Variants in ERC1 observed in about 807,000 individuals in gnomAD.
ERC1 encodes ELKS/RAB6-interacting/CAST family member 1, also known as RAB6 interacting protein 2.
A neutral mutation model predicts 132.0 loss-of-function variants in ERC1; 56 were observed. The observed-to-expected ratio is 0.42, with a 90% CI of 0.34 to 0.53. The LOEUF is 0.53. Among genes scored for constraint, ERC1 ranks in the 20% least tolerant of loss-of-function variants. ERC1 has a pLI of 0.03. For synonymous variants in ERC1, 478 were observed against 476.1 expected (o/e 1.00, Z -0.05); for missense variants, 1,202 against 1,349.9 (o/e 0.89, Z 1.72).
chr12:1,432,024 A>G (rs1274638731), intron 17 of ERC1, among the ~76,000 whole-genome samples: 1 of 152,202 alleles, frequency 6.6e-6, no homozygotes, highest in African/African-American at 2.4e-5. Flanking sequence ...GACTATTGGC[A>G]TGCACCACCT....
At chr12:1,139,652 G>A (rs796191319) in intron 7 of ERC1, among the ~76,000 whole-genome samples, 24 of 152,000 alleles carry the variant, frequency 1.6e-4, no homozygotes, top group African/African-American at 5.3e-4. Context: ...CATGCAGGAA[G>A]GCCCAGAAAA....
chr12:1,447,712 C>G (rs187813357), intron 18 of ERC1, among the ~76,000 whole-genome samples: 1 of 151,892 alleles, frequency 6.6e-6, no homozygotes, highest in Admixed American at 6.6e-5. Flanking sequence ...TGCAGTGGCA[C>G]GATCTCAGCT....
rs1163109396 is a variant in ERC1, at chr12:1,418,567, TTC to T, written c.3024+10322_3024+10323del. 7.3e-5 allele frequency among the ~76,000 whole-genome samples: 9 copies of T among 123,224 alleles called. No homozygotes were observed. In the East Asian group the frequency reaches 1.9e-3, roughly 26 times the overall value. The allele number at this position is 123,224 out of a possible 152,430, so 80.8% of individuals were successfully genotyped here. On this transcript the variant is annotated intron_variant, in intron 17 of 18. Coordinates refer to ENST00000360905, the MANE Select transcript of ERC1 (RefSeq NM_178040.4). ...TTCCTTCTTTTCTGAAGTCTTCATT[TTC>T]TTTCTTTCTTTCTTTCTTTCTCTTT...
At chr12:1,481,198 G>A (rs956876098) in intron 18 of ERC1, among the ~76,000 whole-genome samples, 4 of 152,210 alleles carry the variant, frequency 2.6e-5, no homozygotes, top group South Asian at 2.1e-4. Flanking sequence ...AATTGAAACC[G>A]TGGAAAGGGA....
intron 18 of ERC1, among the ~76,000 whole-genome samples, chr12:1,454,750 T>G (rs1331787925): frequency 6.6e-6 from 1 of 152,222 alleles, no homozygotes; most frequent in Non-Finnish European, 1.5e-5. Context: ...ATTTTTACAG[T>G]CCATATTTTT....
intron 1 of ERC1, chr12:1,020,875 A>G (rs1348681081): frequency 6.6e-6 from 1 of 152,222 alleles, no homozygotes; most frequent in East Asian, 1.9e-4. Flanking sequence ...GGAGCATTAA[A>G]TAATTTATGA....
intron 18 of ERC1, chr12:1,445,009 G>T: frequency 5.6e-6 from 2 of 358,088 alleles, no homozygotes; most frequent in Non-Finnish European, 1.0e-5. Flanking sequence ...ATTTTTTACT[G>T]TTTTATTTTT....
At chr12:1,122,525 C>A (rs373809344) in intron 7 of ERC1, among the ~76,000 whole-genome samples, 1 of 89,014 alleles carries the variant, frequency 1.1e-5, no homozygotes, top group South Asian at 3.1e-4. Context: ...GTGTCTCTAT[C>A]TCTATCTCTA....
At position 1,141,695 on chromosome 12, in the gene ERC1, G is replaced by A; in HGVS notation, c.1645G>A (p.Ala549Thr). The A allele has an allele frequency of 6.2e-7, 1 of 1,613,516 alleles. No individual in the cohort carries two copies. Among genetic ancestry groups the A allele is most frequent in the Non-Finnish European group, 8.5e-7 (1 of 1,179,608 alleles). The change falls in exon 8 of 19, where the codon GCT (alanine) becomes ACT (threonine). Residue 549 changes from alanine (A) to threonine (T), a missense_variant. Coordinates refer to ENST00000360905, the MANE Select transcript of ERC1 (RefSeq NM_178040.4). ...AAAGACAAAACAAATTCAGGATATG[G>A]CTGAAGAGAAGGGGACACAAGCTGG... ...NKKTKQIQDM[A>T]EEKGTQAGEI...
Position 1,191,851 on chromosome 12 carries a change from GA to G in ERC1, c.2351+1813del, listed in dbSNP as rs748858506. ...ATTCAGCACAGTTTCTTGGCTACTG[GA>G]AAAAAAAAAAAAAGGAACAGCTTTC... On this transcript the variant is annotated intron_variant, in intron 12 of 18. Coordinates refer to ENST00000360905, the MANE Select transcript of ERC1 (RefSeq NM_178040.4). 6.0e-3 allele frequency among the ~76,000 whole-genome samples: 815 copies of G among 136,584 alleles called. 1 individual carries two copies. The highest frequency in any genetic ancestry group is 8.5e-3 in the Admixed American group (116 of 13,594). 89.6% of individuals were successfully genotyped at this position (136,584 alleles called of 152,430 possible).
intron 15 of ERC1, among the ~76,000 whole-genome samples, chr12:1,304,320 TC>T (rs1310563164): frequency 6.6e-6 from 1 of 152,204 alleles, no homozygotes; most frequent in African/African-American, 2.4e-5. Context: ...CTAGGTCTCT[TC>T]CTTAGATATA....
At chr12:1,341,750 T>C (rs1317168608) in intron 15 of ERC1, among the ~76,000 whole-genome samples, 1 of 152,120 alleles carries the variant, frequency 6.6e-6, no homozygotes, top group Non-Finnish European at 1.5e-5. Flanking sequence ...ACATGGCACA[T>C]GTATACCTGT....
At chr12:1,481,966 T>C (rs544138497) in intron 18 of ERC1, among the ~76,000 whole-genome samples, 1 of 152,326 alleles carries the variant, frequency 6.6e-6, no homozygotes, top group African/African-American at 2.4e-5. Context: ...AATGATTCTT[T>C]CAGCTTCTTA....
At chr12:1,215,187 A>G (rs919107596) in intron 12 of ERC1, among the ~76,000 whole-genome samples, 8 of 152,202 alleles carry the variant, frequency 5.3e-5, no homozygotes, top group Non-Finnish European at 7.3e-5. Context: ...GTCTTCAGGT[A>G]TTACTGTTAT....
At chr12:1,348,237 C>T (rs1224682735) in intron 15 of ERC1, among the ~76,000 whole-genome samples, 1 of 152,096 alleles carries the variant, frequency 6.6e-6, no homozygotes, top group African/African-American at 2.4e-5. Context: ...GTGAACCAGA[C>T]GTCTTTAAGA....
chr12:1,198,243 T>A (rs1479082940), intron 12 of ERC1, among the ~76,000 whole-genome samples: 1 of 152,196 alleles, frequency 6.6e-6, no homozygotes, highest in Non-Finnish European at 1.5e-5. Flanking sequence ...ATTTGGACTC[T>A]TAAGTCTTTG....
At chr12:1,007,569 T>TGTGTGTAC (rs762010744) in intron 1 of ERC1, among the ~76,000 whole-genome samples, 15 of 136,300 alleles carry the variant, frequency 1.1e-4, no homozygotes, top group Non-Finnish European at 2.4e-4. Context: ...TGTGTGTGTG[T>TGTGTGTAC]ACACACTTTG....
intron 1 of ERC1, among the ~76,000 whole-genome samples, chr12:1,005,013 A>G (rs925758674): frequency 3.3e-5 from 5 of 152,150 alleles, no homozygotes; most frequent in Admixed American, 6.6e-5. Context: ...AGAAGAAGCC[A>G]TGTTTTACAT....
At chr12:1,053,840 G>A (rs1972466385) in intron 2 of ERC1, among the ~76,000 whole-genome samples, 1 of 152,096 alleles carries the variant, frequency 6.6e-6, no homozygotes, top group Non-Finnish European at 1.5e-5. Flanking sequence ...CAAATACTTT[G>A]CAAATTATGG....
Sources: gnomAD v4.1 joint callset for allele counts (sites outside exome capture counted in the v4.1 genomes callset) on GRCh38, gnomAD v4.1.1 for gene constraint, MANE v1.5 for transcripts, NCBI Gene and HGNC (gene_info 2026-07-23, HGNC 2026-07-21) for gene names.